Variants in ELOVL6 observed in about 807,000 individuals in gnomAD.
ELOVL6 encodes the protein ELOVL fatty acid elongase 6.
Under a neutral mutation model 31.7 loss-of-function variants are expected in ELOVL6, and 8 were observed. That is an observed-to-expected ratio of 0.25 (90% CI 0.15 to 0.45). ELOVL6 has a LOEUF of 0.45. Among genes scored for constraint, ELOVL6 ranks in the 20% least tolerant of loss-of-function variants. The pLI, the probability that ELOVL6 is intolerant of heterozygous loss-of-function variation, is 1.00. For missense variants in ELOVL6, 126 were observed against 326.4 expected (o/e 0.39, Z 4.73); for synonymous variants, 101 against 117.7 (o/e 0.86, Z 0.92).
intron 2 of ELOVL6, among the ~76,000 whole-genome samples, chr4:110,103,813 C>G (rs1016753021): frequency 2.6e-5 from 4 of 152,040 alleles, no homozygotes; most frequent in Admixed American, 6.5e-5. Context: ...GATCTAGGTT[C>G]TTAAACTGTA....
At chr4:110,063,140 C>T (rs976659596) in intron 2 of ELOVL6, among the ~76,000 whole-genome samples, 2 of 152,174 alleles carry the variant, frequency 1.3e-5, no homozygotes, top group African/African-American at 4.8e-5. Context: ...TTAATTAACC[C>T]TAATTCAAAG....
intron 2 of ELOVL6, among the ~76,000 whole-genome samples, chr4:110,100,897 T>G (rs1216526519): frequency 6.6e-6 from 1 of 152,222 alleles, no homozygotes; most frequent in Admixed American, 6.5e-5. Context: ...AGACAATAGT[T>G]GAAAATGCAT....
chr4:110,166,408 C>T (rs1470164414), intron 1 of ELOVL6, among the ~76,000 whole-genome samples: 3 of 152,020 alleles, frequency 2.0e-5, no homozygotes, highest in African/African-American at 7.2e-5. Flanking sequence ...GTCAAGAGAT[C>T]GAGACCATCC....
rs1008949209 is a variant in ELOVL6 at position 110,120,798 on chromosome 4, CT to C, written c.90-15171del. On this transcript the variant is annotated intron_variant, in intron 1 of 3. Coordinates refer to ENST00000302274, the MANE Select transcript of ELOVL6 (RefSeq NM_024090.3). ...CTGGTTCTTTTCTTTTTTTTCTTTT[CT>C]TTTTTTTTTTTTTTTTTTTGAAACA... Among the ~76,000 whole-genome samples, 532 of 117,852 alleles carry C rather than the reference CT, an allele frequency of 4.5e-3. 2 individuals are homozygous for C. Among genetic ancestry groups the C allele is most frequent in the Non-Finnish European group, 7.3e-3 (413 of 56,856 alleles). 77.3% of individuals were successfully genotyped at this position (117,852 alleles called of 152,430 possible).
intron 2 of ELOVL6, among the ~76,000 whole-genome samples, chr4:110,098,967 T>G (rs1468638622): frequency 6.6e-6 from 1 of 152,170 alleles, no homozygotes; most frequent in African/African-American, 2.4e-5. Context: ...CTAAGACACT[T>G]ATGACGGTCT....
In ELOVL6 at chr4:110,129,991, G is replaced by A. The variant is rs560645982; in HGVS notation, c.90-24363C>T. Among the ~76,000 whole-genome samples the A allele has an allele frequency of 4.3e-5, 6 of 139,216 alleles. No homozygotes were observed. In the South Asian group the frequency reaches 1.1e-3, roughly 26 times the overall value. The allele number at this position is 139,216 out of a possible 152,430, so 91.3% of individuals were successfully genotyped here. A position where few individuals can be genotyped will look rare whatever the true frequency, so the allele number is the denominator to read the frequency against. ...TGACTCACTGCAGCCTCTGCCTCCC[G>A]GGTTCAAGCAGTTCTCCTGCCTCAG... On this transcript the variant is annotated intron_variant, in intron 1 of 3. Transcript: ENST00000302274.
chr4:110,112,710 TA>T, intron 1 of ELOVL6, among the ~76,000 whole-genome samples: 1 of 151,246 alleles, frequency 6.6e-6, no homozygotes, highest in Non-Finnish European at 1.5e-5. Flanking sequence ...CCCTCTCTAC[TA>T]AAAAAACAAA....
intron 2 of ELOVL6, among the ~76,000 whole-genome samples, chr4:110,084,229 T>C (rs1166635241): frequency 1.7e-5 from 2 of 118,552 alleles, no homozygotes; most frequent in South Asian, 2.4e-4. Flanking sequence ...TTATATGATA[T>C]ATATAACATA....
At chr4:110,190,693 T>A (rs1349353601) in intron 1 of ELOVL6, among the ~76,000 whole-genome samples, 5 of 151,842 alleles carry the variant, frequency 3.3e-5, no homozygotes, top group Non-Finnish European at 5.9e-5. Flanking sequence ...TTAGTAGAAA[T>A]AGGGTTTCAC....
chr4:110,132,988 CT>C (rs1757711025), intron 1 of ELOVL6, among the ~76,000 whole-genome samples: 1 of 152,014 alleles, frequency 6.6e-6, no homozygotes, highest in Non-Finnish European at 1.5e-5. Flanking sequence ...TCATCCATGT[CT>C]GGGTGGTGGT....
chr4:110,117,915 T>TGG (rs1560830530), intron 1 of ELOVL6: 564 of 26,176 alleles, frequency 0.022, 92 homozygotes, highest in African/African-American at 0.09. Flanking sequence ...TATATATATA[T>TGG]ATATATATAT....
intron 2 of ELOVL6, among the ~76,000 whole-genome samples, chr4:110,077,043 C>A (rs1380394619): frequency 6.6e-6 from 1 of 152,152 alleles, no homozygotes; most frequent in African/African-American, 2.4e-5. Flanking sequence ...GGGAGAGGGG[C>A]GCCTGCCATT....
intron 1 of ELOVL6, among the ~76,000 whole-genome samples, chr4:110,162,677 C>T (rs551556516): frequency 6.6e-6 from 1 of 152,146 alleles, no homozygotes; most frequent in Non-Finnish European, 1.5e-5. Flanking sequence ...GACTGTTTTC[C>T]CCAGAAAATT....
In ELOVL6 at chr4:110,046,008, G is replaced by C. The variant is rs954119691; in HGVS notation, c.*5330C>G. 2.0e-5 allele frequency: 3 copies of C among 152,100 alleles called. No homozygotes were observed. The highest frequency in any genetic ancestry group is 4.4e-5 in the Non-Finnish European group (3 of 68,030). The allele number at this position is 152,100 out of a possible 1,614,324, so 9.4% of individuals were successfully genotyped here. ...TGGGTGGGCTTCCATATGAATATGG[G>C]CTCTGAGGTCCCCAAGAAGCTGAAT... On this transcript the variant is annotated 3_prime_UTR_variant, in exon 4 of 4. Transcript: ENST00000302274.
intron 1 of ELOVL6, among the ~76,000 whole-genome samples, chr4:110,176,191 C>T (rs951338918): frequency 6.6e-6 from 1 of 151,778 alleles, no homozygotes; most frequent in Non-Finnish European, 1.5e-5. Flanking sequence ...GAGATGGAGT[C>T]TCACTCTGTT....
intron 2 of ELOVL6, among the ~76,000 whole-genome samples, chr4:110,088,541 T>G (rs1211637991): frequency 2.6e-5 from 4 of 152,180 alleles, no homozygotes; most frequent in East Asian, 1.9e-4. Context: ...GAAAATTTCA[T>G]GTATAGAAGA....
chr4:110,099,208 C>T (rs7668562), intron 2 of ELOVL6, among the ~76,000 whole-genome samples: 46,420 of 151,842 alleles, frequency 0.31, 8,110 homozygotes, highest in East Asian at 0.71. Flanking sequence ...CAGTGGGAAA[C>T]AGATCTCAAA....
intron 1 of ELOVL6, among the ~76,000 whole-genome samples, chr4:110,195,640 A>AT (rs1759751483): frequency 2.0e-5 from 3 of 152,214 alleles, no homozygotes; most frequent in Admixed American, 2.0e-4. Flanking sequence ...ATCTAAGAAC[A>AT]TAACATCAAC....
intron 1 of ELOVL6, among the ~76,000 whole-genome samples, chr4:110,173,249 G>A (rs540830915): frequency 5.9e-5 from 9 of 152,288 alleles, no homozygotes; most frequent in Admixed American, 3.3e-4. Flanking sequence ...AGGCACAGAA[G>A]TAGGCAGTAA....
Sources: allele counts gnomAD v4.1 joint callset (sites outside exome capture counted in the v4.1 genomes callset), GRCh38; gene constraint gnomAD v4.1.1; transcripts MANE v1.5; gene names NCBI Gene and HGNC (gene_info 2026-07-23, HGNC 2026-07-21).